Variants in LEF1 observed in about 807,000 individuals in gnomAD.
LEF1 encodes lymphoid enhancer-binding factor 1.
LEF1 carries 14 observed loss-of-function variants against 51.2 expected under a neutral mutation model. The observed-to-expected ratio is 0.27, with a 90% CI of 0.18 to 0.43. LEF1 has a LOEUF of 0.43. Among genes scored for constraint, LEF1 ranks in the 20% least tolerant of loss-of-function variants. The pLI, the probability that LEF1 is intolerant of heterozygous loss-of-function variation, is 1.00. For synonymous variants in LEF1, 185 were observed against 183.2 expected, an observed-to-expected ratio of 1.01 and a Z score of -0.08; for missense variants, 386 against 512.0, an observed-to-expected ratio of 0.75 and a Z score of 2.37.
intron 9 of LEF1, among the ~76,000 whole-genome samples, chr4:108,069,548 A>G (rs570062865): frequency 3.3e-4 from 50 of 152,378 alleles, no homozygotes; most frequent in Admixed American, 5.9e-4. Context: ...ACATGAAAAA[A>G]GATTTTTTTA....
At chr4:108,162,565 A>T (rs1362582795) in intron 3 of LEF1, among the ~76,000 whole-genome samples, 1 of 151,958 alleles carries the variant, frequency 6.6e-6, no homozygotes, top group East Asian at 1.9e-4. Flanking sequence ...TGGTAGAAAC[A>T]CTGGGCAAGT....
At chr4:108,052,533 A>G (rs1737069219) in intron 11 of LEF1, among the ~76,000 whole-genome samples, 1 of 152,200 alleles carries the variant, frequency 6.6e-6, no homozygotes, top group Admixed American at 6.5e-5. Context: ...CTTGGGAAAA[A>G]CTGACAAAAG....
chr4:108,087,169 A>T (rs1446830106), intron 4 of LEF1, among the ~76,000 whole-genome samples: 1 of 152,182 alleles, frequency 6.6e-6, no homozygotes, highest in Non-Finnish European at 1.5e-5. Context: ...GCCCAACTGG[A>T]ATGATACAAA....
intron 1 of LEF1, chr4:108,166,354 CCA>C: frequency 6.6e-7 from 1 of 1,507,218 alleles, no homozygotes; most frequent in Non-Finnish European, 8.8e-7. Flanking sequence ...GCCCTCAAAA[CCA>C]CACACTTTCT....
chr4:108,086,604 TA>T (rs2110261361), intron 4 of LEF1, among the ~76,000 whole-genome samples: 1 of 152,306 alleles, frequency 6.6e-6, no homozygotes, highest in East Asian at 1.9e-4. Flanking sequence ...AAAATAAGAA[TA>T]GGACTGTTGT....
At chr4:108,103,082 G>T (rs185541503) in intron 3 of LEF1, among the ~76,000 whole-genome samples, 1 of 152,208 alleles carries the variant, frequency 6.6e-6, no homozygotes, top group Non-Finnish European at 1.5e-5. Context: ...CGCAGCTCCC[G>T]TCACTACGTG....
intron 11 of LEF1, among the ~76,000 whole-genome samples, chr4:108,058,473 C>G (rs567302241): frequency 2.6e-5 from 4 of 152,082 alleles, no homozygotes; most frequent in Non-Finnish European, 5.9e-5. Flanking sequence ...ATAATAATCT[C>G]TAACTTCTGA....
intron 11 of LEF1, among the ~76,000 whole-genome samples, chr4:108,056,028 A>T (rs1287735780): frequency 6.6e-6 from 1 of 152,080 alleles, no homozygotes; most frequent in Non-Finnish European, 1.5e-5. Context: ...CAACTCCAAC[A>T]CTGTTAGAGC....
intron 3 of LEF1, among the ~76,000 whole-genome samples, chr4:108,105,334 C>A (rs1209877563): frequency 6.6e-6 from 1 of 152,024 alleles, no homozygotes; most frequent in African/African-American, 2.4e-5. Context: ...ACGTGTGCCA[C>A]CACACCCGGC....
intron 3 of LEF1, among the ~76,000 whole-genome samples, chr4:108,137,146 T>C (rs552773538): frequency 6.6e-6 from 1 of 152,244 alleles, no homozygotes; most frequent in Non-Finnish European, 1.5e-5. Context: ...TTTTAAATAG[T>C]TATTTTCAAC....
At chr4:108,154,443 C>CAAAAAAAAAAAAAAA (rs10672899) in intron 3 of LEF1, among the ~76,000 whole-genome samples, 2 of 71,976 alleles carry the variant, frequency 2.8e-5, no homozygotes, top group African/African-American at 5.4e-5. Flanking sequence ...AAGGTAGTAG[C>CAAAAAAAAAAAAAAA]AAAAAAAAAA....
At chr4:108,121,929 C>T in intron 3 of LEF1, among the ~76,000 whole-genome samples, 1 of 152,070 alleles carries the variant, frequency 6.6e-6, no homozygotes, top group East Asian at 1.9e-4. Context: ...AAGAGTTTTC[C>T]TTATTGATAA....
intron 8 of LEF1, chr4:108,071,801 T>C (rs188313881): frequency 2.2e-4 from 33 of 152,262 alleles, no homozygotes; most frequent in African/African-American, 7.7e-4. Context: ...ATGGTAGCTA[T>C]ACAAGGATGA....
intron 1 of LEF1, chr4:108,166,213 A>G: frequency 6.6e-7 from 1 of 1,513,894 alleles, no homozygotes. Flanking sequence ...TTCAACGGGT[A>G]AAGAACACCA....
At chr4:108,108,741 G>A (rs1042578052) in intron 3 of LEF1, among the ~76,000 whole-genome samples, 4 of 152,112 alleles carry the variant, frequency 2.6e-5, no homozygotes, top group Admixed American at 2.0e-4. Context: ...CACATGCACT[G>A]CGTTAGGATT....
rs1740209380 is a variant in LEF1 at position 108,093,872 on chromosome 4, A to G, written c.415-4615T>C. 2.6e-5 allele frequency among the ~76,000 whole-genome samples: 4 copies of G among 152,208 alleles called. 1 individual carries two copies. In the South Asian group the frequency reaches 6.2e-4, roughly 24 times the overall value. ...CACCATCAGGCCAACCTACCCACATAATACATAGTAATTACAGCAATTAAC... is the reference window on the plus strand; with the variant it reads ...CACCATCAGGCCAACCTACCCACATGATACATAGTAATTACAGCAATTAAC... On this transcript the variant is annotated intron_variant, in intron 3 of 11. Transcript: ENST00000265165.
chr4:108,160,380 T>C (rs1024172200), intron 3 of LEF1, among the ~76,000 whole-genome samples: 13 of 152,350 alleles, frequency 8.5e-5, no homozygotes, highest in Middle Eastern at 3.4e-3. Flanking sequence ...CTCTAAAATA[T>C]TTAACAGGCT....
At chr4:108,108,616 T>A (rs74668181) in intron 3 of LEF1, among the ~76,000 whole-genome samples, 1 of 152,118 alleles carries the variant, frequency 6.6e-6, no homozygotes, top group South Asian at 2.1e-4. Context: ...AGGAGAAACA[T>A]GCAAGTGCTG....
chr4:108,063,547 A>G, intron 11 of LEF1, 76 bp downstream of exon 11: 1 of 1,128,678 alleles, frequency 8.9e-7, no homozygotes, highest in East Asian at 2.4e-5. Context: ...ACTCATTATG[A>G]GCAAGAAGAT....
Sources: gnomAD v4.1 joint callset for allele counts (sites outside exome capture counted in the v4.1 genomes callset) on GRCh38, gnomAD v4.1.1 for gene constraint, MANE v1.5 for transcripts, NCBI Gene and HGNC (gene_info 2026-07-23, HGNC 2026-07-21) for gene names.